CHST15: variants seen among roughly 807,000 people sequenced by gnomAD.
The protein encoded by CHST15 is carbohydrate sulfotransferase 15, also known as B cell RAG associated protein (GALNAC4S-6ST).
Under a neutral mutation model 53.6 loss-of-function variants are expected in CHST15, and 30 were observed. The observed-to-expected ratio is 0.56, with a 90% CI of 0.42 to 0.76. The LOEUF is 0.76. CHST15 is among the 30% of genes least tolerant of loss of function. The pLI, the probability that CHST15 is intolerant of heterozygous loss-of-function variation, is 0.00. For synonymous variants in CHST15, 296 were observed against 289.8 expected (o/e 1.02, Z -0.22); for missense variants, 627 against 740.5 (o/e 0.85, Z 1.78).
At chr10:124,027,049 T>A (rs760206151) in intron 5 of CHST15, among the ~76,000 whole-genome samples, 1 of 152,188 alleles carries the variant, frequency 6.6e-6, no homozygotes, top group Non-Finnish European at 1.5e-5. Context: ...CTCATTTTCT[T>A]ACTCTCAAAC....
rs1947504496 is a variant in CHST15, at chr10:124,036,524, C to T, written c.1190+1991G>A. Among the ~76,000 whole-genome samples, 2 of 152,156 alleles carry T rather than the reference C, an allele frequency of 1.3e-5. No homozygotes were observed. The highest frequency in any genetic ancestry group is 4.2e-4 in the South Asian group (2 of 4,802). On this transcript the variant is annotated intron_variant, in intron 5 of 7. Coordinates refer to ENST00000435907, the MANE Select transcript of CHST15 (RefSeq NM_001270764.2). This position sits in a 1 kb window ranked among gnomAD's most constrained non-coding sequence, Gnocchi z 5.1. ...CTCCCTGACCAGGTCATACTCAGAGCAGCGGGAGCCATGCAGACTCCACAA... is the reference window on the plus strand; with the variant it reads ...CTCCCTGACCAGGTCATACTCAGAGTAGCGGGAGCCATGCAGACTCCACAA...
chr10:124,091,271 G>A (rs1949592721), intron 1 of CHST15, among the ~76,000 whole-genome samples: 1 of 152,178 alleles, frequency 6.6e-6, no homozygotes, highest in African/African-American at 2.4e-5. Flanking sequence ...TCAACATTCA[G>A]TTTGTAAAAT....
At chr10:124,054,940 C>T (rs1337696482) in intron 1 of CHST15, among the ~76,000 whole-genome samples, 1 of 152,210 alleles carries the variant, frequency 6.6e-6, no homozygotes, top group Non-Finnish European at 1.5e-5. Flanking sequence ...TTCCTGCATA[C>T]TCCAAGCCAT....
In CHST15 at chr10:124,074,073, T is replaced by A. The variant is rs141603503; in HGVS notation, c.-513+19396A>T. ...AGAGATATTTTCCACATAGTCTTTT[T>A]AGCCTCTTTCCATAGAAGACTTTCT... is the stretch of plus-strand genomic sequence containing the variant. On this transcript the variant is annotated intron_variant, in intron 1 of 7. Transcript: ENST00000435907. The surrounding 1 kb of genome is among the most constrained non-coding windows in gnomAD (Gnocchi z 4.4). 6.6e-6 allele frequency among the ~76,000 whole-genome samples: 1 copy of A among 152,206 alleles called. No individual in the cohort carries two copies. The highest frequency in any genetic ancestry group is 2.4e-5 in the African/African-American group (1 of 41,434).
chr10:124,030,240 T>A (rs542964127), intron 5 of CHST15, among the ~76,000 whole-genome samples: 2 of 152,290 alleles, frequency 1.3e-5, no homozygotes, highest in Admixed American at 6.5e-5. Flanking sequence ...CCCCGCTCTG[T>A]GATCGAGGCC....
At chr10:124,056,334 G>A (rs1210655139) in intron 1 of CHST15, among the ~76,000 whole-genome samples, 1 of 152,234 alleles carries the variant, frequency 6.6e-6, no homozygotes, top group Non-Finnish European at 1.5e-5. Flanking sequence ...CTGATGGGAT[G>A]AAACTCCCCT....
intron 1 of CHST15, among the ~76,000 whole-genome samples, chr10:124,082,005 C>A (rs896935229): frequency 3.3e-5 from 5 of 152,154 alleles, no homozygotes; most frequent in African/African-American, 1.2e-4. Flanking sequence ...GGAGAAAGAA[C>A]TAGAAAGATG....
chr10:124,016,219 C>T (rs911385323), intron 6 of CHST15, among the ~76,000 whole-genome samples: 18 of 152,022 alleles, frequency 1.2e-4, no homozygotes, highest in African/African-American at 2.4e-4. Flanking sequence ...CCCCTGCATC[C>T]GGGTGCCACA....
chr10:124,038,541 A>G lies in CHST15; in HGVS notation c.1164T>C (p.Ile388=), dbSNP rs761847481. The G allele has an allele frequency of 3.7e-6, 6 of 1,614,230 alleles. No individual in the cohort carries two copies. The Admixed American group carries it at 5.0e-5, about 13-fold the overall frequency. ...IHAFQPNARL[I]VMLRDPVERL... is the part of the protein sequence containing the mutation. The stretch of plus-strand genomic sequence containing the variant: ...TCTCCACAGGGTCCCTGAGCATGAC[A>G]ATCAGTCTGGCATTTGGCTGAAAGG... The change falls in exon 5 of 8, where the codon ATT becomes ATC. Residue 388 remains isoleucine (I), a synonymous_variant. Transcript: ENST00000435907.
At chr10:124,050,385 G>T (rs1020329082) in intron 1 of CHST15, among the ~76,000 whole-genome samples, 1 of 152,222 alleles carries the variant, frequency 6.6e-6, no homozygotes, top group Admixed American at 6.5e-5. Flanking sequence ...ATGCAGAAAA[G>T]AATAAAGAAA....
intron 1 of CHST15, among the ~76,000 whole-genome samples, chr10:124,081,020 C>T (rs952086137): frequency 5.9e-5 from 9 of 152,204 alleles, no homozygotes; most frequent in African/African-American, 2.2e-4. Context: ...CCTGGGCCTC[C>T]AGCCTGGGCC....
At chr10:124,030,341 G>A (rs1421352734) in intron 5 of CHST15, among the ~76,000 whole-genome samples, 3 of 152,170 alleles carry the variant, frequency 2.0e-5, no homozygotes, top group Non-Finnish European at 4.4e-5. Flanking sequence ...GTGTCAACAG[G>A]CAGCTTCTGG....
In CHST15 at chr10:124,057,921, C is replaced by T. The variant is rs141262046; in HGVS notation, c.-512-11197G>A. Among the ~76,000 whole-genome samples the T allele has an allele frequency of 3.5e-3, 536 of 152,070 alleles. 4 individuals are homozygous for T. Among genetic ancestry groups the T allele is most frequent in the African/African-American group, 0.012 (512 of 41,484 alleles). ...GCACAAAATAATCAGGTTTTCTCAG[C>T]GAAGGGGCAGGGTGGACCAGAGACT... On this transcript the variant is annotated intron_variant, in intron 1 of 7. Coordinates refer to ENST00000435907, the MANE Select transcript of CHST15 (RefSeq NM_001270764.2).
intron 1 of CHST15, among the ~76,000 whole-genome samples, chr10:124,052,211 A>T (rs1431493188): frequency 6.6e-6 from 1 of 152,220 alleles, no homozygotes; most frequent in Non-Finnish European, 1.5e-5. Flanking sequence ...AGGACTATTC[A>T]TCAACAAGTA....
chr10:124,017,064 G>T (rs774334378), intron 6 of CHST15, among the ~76,000 whole-genome samples: 2 of 152,148 alleles, frequency 1.3e-5, no homozygotes, highest in Non-Finnish European at 2.9e-5. Context: ...GGCACACTCT[G>T]CATGGTACAA....
At chr10:124,066,157 T>A (rs148897112) in intron 1 of CHST15, among the ~76,000 whole-genome samples, 371 of 152,304 alleles carry the variant, frequency 2.4e-3, no homozygotes, top group African/African-American at 8.6e-3. Flanking sequence ...TTAATCAATT[T>A]GAGAGATTCA....
chr10:124,058,678 T>A (rs1378543240), intron 1 of CHST15, among the ~76,000 whole-genome samples: 1 of 152,098 alleles, frequency 6.6e-6, no homozygotes, highest in Non-Finnish European at 1.5e-5. Context: ...GACTACAAGA[T>A]TCATAAAAGG....
rs1285397288 is a variant in CHST15 at position 124,036,466 on chromosome 10, A to G, written c.1190+2049T>C. Among the ~76,000 whole-genome samples the G allele has an allele frequency of 7.2e-5, 11 of 152,158 alleles. No individual in the cohort carries two copies. The highest frequency in any genetic ancestry group is 8.8e-5 in the Non-Finnish European group (6 of 68,024). Reference sequence around the variant, plus strand: ...ACAGCCACCAAGAGCTCAGGCTCAGAGCGCTGGGGCTGAGGGAGGGCAGAT... The same window carrying G: ...ACAGCCACCAAGAGCTCAGGCTCAGGGCGCTGGGGCTGAGGGAGGGCAGAT... On this transcript the variant is annotated intron_variant, in intron 5 of 7. Coordinates refer to ENST00000435907, the MANE Select transcript of CHST15 (RefSeq NM_001270764.2). This position sits in a 1 kb window ranked among gnomAD's most constrained non-coding sequence, Gnocchi z 5.1.
In CHST15 at chr10:124,021,288, C is replaced by T. The variant is rs777679104; in HGVS notation, c.1315G>A (p.Val439Ile). ...GCGTTGTTGAGGGTGTTGTTGTAGACGCAGGCGCGCAGTGAATAATCAAGC... is the reference window on the plus strand; with the variant it reads ...GCGTTGTTGAGGGTGTTGTTGTAGATGCAGGCGCGCAGTGAATAATCAAGC... Reference protein sequence around the residue: ...CMLDYSLRACVYNNTLNNAMP... With the variant: ...CMLDYSLRACIYNNTLNNAMP... Residue 439 changes from valine to isoleucine, a missense_variant, in exon 6 of 8, where the codon GTC becomes ATC. Physicochemically the swap from Val to Ile is conservative, Grantham distance 29. This residue lies in a region of CHST15 where 279 missense variants were observed against 371.6 expected (regional missense o/e 0.75). Transcript: ENST00000435907. 6.8e-6 allele frequency: 11 copies of T among 1,610,258 alleles called. No individual in the cohort carries two copies. Among genetic ancestry groups the T allele is most frequent in the South Asian group, 1.1e-5 (1 of 90,978 alleles).
Sources: gnomAD v4.1 joint callset for allele counts (sites outside exome capture counted in the v4.1 genomes callset) on GRCh38, gnomAD v4.1.1 for gene constraint, gnomAD v4.1.1 regional missense constraint, Gnocchi (gnomAD v3.1) non-coding constraint, MANE v1.5 for transcripts, NCBI Gene and HGNC (gene_info 2026-07-23, HGNC 2026-07-21) for gene names.